Variants in AGBL1 observed in about 807,000 individuals in gnomAD.
AGBL1 encodes AGBL carboxypeptidase 1.
Under a neutral mutation model 118.9 loss-of-function variants are expected in AGBL1, and 130 were observed. The observed-to-expected ratio is 1.09, with a 90% CI of 0.95 to 1.26. AGBL1 has a LOEUF of 1.26. Among genes scored for constraint, AGBL1 ranks in the 50% most tolerant of loss-of-function variants. The pLI is 0.00. For synonymous variants in AGBL1, 555 were observed against 478.9 expected, an observed-to-expected ratio of 1.16 and a Z score of -2.08; for missense variants, 1,584 against 1,298.1, an observed-to-expected ratio of 1.22 and a Z score of -3.38.
At chr15:86,164,428 C>T (rs900002069) in intron 5 of AGBL1, among the ~76,000 whole-genome samples, 16 of 152,172 alleles carry the variant, frequency 1.1e-4, no homozygotes, top group Non-Finnish European at 1.9e-4. Context: ...TACTTGTCTG[C>T]GAATGACTCA....
In AGBL1 at chr15:86,397,352, C is replaced by T; in HGVS notation, c.2375-14C>T. The T allele has an allele frequency of 6.8e-7, 1 of 1,470,616 alleles. No individual in the cohort carries two copies. The allele number at this position is 1,470,616 out of a possible 1,614,324, so 91.1% of individuals were successfully genotyped here. ...AAATTTGGGTTTAATTTTCTTATGTCCCTTTTTCTGCAGGACATCGTCCAT... is the reference window on the plus strand; with the variant it reads ...AAATTTGGGTTTAATTTTCTTATGTTCCTTTTTCTGCAGGACATCGTCCAT... On this transcript the variant is annotated splice_polypyrimidine_tract_variant and intron_variant, in intron 17 of 22. Transcript: ENST00000614907.
chr15:86,464,989 G>A (rs923343858), intron 18 of AGBL1, among the ~76,000 whole-genome samples: 3 of 151,980 alleles, frequency 2.0e-5, no homozygotes, highest in African/African-American at 7.3e-5. Context: ...ATAATATCCT[G>A]AAGAGTGTTT....
At chr15:86,259,781 C>A (rs1047185044) in intron 9 of AGBL1, among the ~76,000 whole-genome samples, 1 of 152,190 alleles carries the variant, frequency 6.6e-6, no homozygotes, top group Non-Finnish European at 1.5e-5. Flanking sequence ...TCATCAATGC[C>A]ACTTTCCCCT....
chr15:86,348,965 G>A (rs2141896823), intron 17 of AGBL1, among the ~76,000 whole-genome samples: 1 of 152,198 alleles, frequency 6.6e-6, no homozygotes, highest in East Asian at 1.9e-4. Context: ...GGATCAGGGT[G>A]GGCCCAAATC....
chr15:86,286,936 A>G (rs903428113), intron 16 of AGBL1, among the ~76,000 whole-genome samples: 2 of 151,952 alleles, frequency 1.3e-5, no homozygotes, highest in African/African-American at 2.4e-5. Context: ...AGGAAACTTC[A>G]TACTGTTTTC....
intron 5 of AGBL1, among the ~76,000 whole-genome samples, chr15:86,159,663 G>T (rs62012458): frequency 0.029 from 4,381 of 152,002 alleles, 83 homozygotes; most frequent in Middle Eastern, 0.054. Flanking sequence ...AGAGATATTC[G>T]GGACTATTAA....
chr15:86,537,161 T>G (rs1194511799), intron 19 of AGBL1, among the ~76,000 whole-genome samples: 2 of 152,284 alleles, frequency 1.3e-5, no homozygotes, highest in Non-Finnish European at 2.9e-5. Flanking sequence ...GGCATGGTGA[T>G]AGGTCAGTAT....
chr15:86,945,014 C>T (rs1249590640), intron 23 of AGBL1, among the ~76,000 whole-genome samples: 1 of 151,900 alleles, frequency 6.6e-6, no homozygotes, highest in Non-Finnish European at 1.5e-5. Flanking sequence ...TACAATGTCA[C>T]AGTAAATAAA....
intron 21 of AGBL1, among the ~76,000 whole-genome samples, chr15:86,671,383 A>G (rs566129574): frequency 2.0e-4 from 30 of 152,340 alleles, no homozygotes; most frequent in African/African-American, 6.5e-4. Flanking sequence ...TTTGTGCAAA[A>G]TAAAACCTCG....
chr15:86,280,353 A>G (rs1037589036), intron 16 of AGBL1, among the ~76,000 whole-genome samples: 1 of 152,134 alleles, frequency 6.6e-6, no homozygotes, highest in Non-Finnish European at 1.5e-5. Flanking sequence ...AGACAGCCAC[A>G]ATCTTTTTAT....
At chr15:86,233,441 A>G (rs1328680958) in intron 6 of AGBL1, among the ~76,000 whole-genome samples, 1 of 151,990 alleles carries the variant, frequency 6.6e-6, no homozygotes, top group African/African-American at 2.4e-5. Flanking sequence ...TAAAGCAAAC[A>G]ATGGGGAGTA....
chr15:86,745,060 G>C (rs986238821), intron 22 of AGBL1, among the ~76,000 whole-genome samples: 1 of 152,082 alleles, frequency 6.6e-6, no homozygotes, highest in Admixed American at 6.6e-5. Context: ...ATGTCTTTCC[G>C]TAGACGTACT....
At chr15:86,817,569 GAGAC>G (rs1310059713) in intron 22 of AGBL1, among the ~76,000 whole-genome samples, 5 of 74,692 alleles carry the variant, frequency 6.7e-5, no homozygotes, top group African/African-American at 9.3e-5. Flanking sequence ...GAGAGAGAAA[GAGAC>G]AGACACACAC....
intron 18 of AGBL1, among the ~76,000 whole-genome samples, chr15:86,401,176 T>C (rs572648547): frequency 6.6e-5 from 10 of 152,328 alleles, no homozygotes; most frequent in Non-Finnish European, 1.3e-4. Flanking sequence ...TGGTATCTCA[T>C]TGTGGTTTTA....
chr15:86,146,887 G>A (rs1200332515), intron 3 of AGBL1, among the ~76,000 whole-genome samples: 2 of 152,112 alleles, frequency 1.3e-5, no homozygotes, highest in Non-Finnish European at 2.9e-5. Context: ...CAGTAAACGA[G>A]GTTTAGGATT....
chr15:86,833,072 G>A (rs548450371), intron 22 of AGBL1, among the ~76,000 whole-genome samples: 5 of 152,180 alleles, frequency 3.3e-5, no homozygotes, highest in South Asian at 4.1e-4. Context: ...ATCACATCTC[G>A]TGAGACTTAA....
chr15:86,507,493 C>T (rs888081583), intron 18 of AGBL1, among the ~76,000 whole-genome samples: 1 of 152,174 alleles, frequency 6.6e-6, no homozygotes, highest in Non-Finnish European at 1.5e-5. Context: ...TATCATTAAG[C>T]CTACACTCTA....
chr15:86,216,095 T>G (rs2078183549), intron 5 of AGBL1, among the ~76,000 whole-genome samples: 1 of 152,220 alleles, frequency 6.6e-6, no homozygotes, highest in Non-Finnish European at 1.5e-5. Context: ...TGTATGTTAA[T>G]CTGTTATCAT....
At chr15:86,284,127 C>T (rs918537929) in intron 16 of AGBL1, among the ~76,000 whole-genome samples, 7 of 149,368 alleles carry the variant, frequency 4.7e-5, no homozygotes, top group East Asian at 1.9e-4. Context: ...TGATGATGTG[C>T]GATTATTTTC....
Sources: allele counts gnomAD v4.1 joint callset (sites outside exome capture counted in the v4.1 genomes callset), GRCh38; gene constraint gnomAD v4.1.1; transcripts MANE v1.5; gene names NCBI Gene and HGNC (gene_info 2026-07-23, HGNC 2026-07-21).